DTNA: variants seen among roughly 807,000 people sequenced by gnomAD.
The protein encoded by DTNA is dystrophin-related protein 3.
In DTNA, 43 loss-of-function variants were observed where a neutral mutation model predicts 100.7. That is an observed-to-expected ratio of 0.43 (90% confidence interval 0.33 to 0.55). The LOEUF is 0.55. DTNA is among the 20% of genes least tolerant of loss of function. The pLI, the probability that DTNA is intolerant of heterozygous loss-of-function variation, is 0.04. For synonymous variants in DTNA, 349 were observed against 347.9 expected, an observed-to-expected ratio of 1.00 and a Z score of -0.04; for missense variants, 798 against 953.9, an observed-to-expected ratio of 0.84 and a Z score of 2.15.
chr18:34,741,421 T>G (rs1389070540), intron 1 of DTNA, among the ~76,000 whole-genome samples: 1 of 152,218 alleles, frequency 6.6e-6, no homozygotes, highest in African/African-American at 2.4e-5. Flanking sequence ...TATATTTACC[T>G]CTATTAAATT....
chr18:34,644,446 A>C (rs1489000958), intron 1 of DTNA, among the ~76,000 whole-genome samples: 3 of 152,174 alleles, frequency 2.0e-5, no homozygotes, highest in Non-Finnish European at 4.4e-5. Context: ...CACACTCATT[A>C]GTTTAAAAGG....
intron 17 of DTNA, among the ~76,000 whole-genome samples, chr18:34,873,687 GTGTA>G (rs2096787539): frequency 6.6e-6 from 1 of 152,228 alleles, no homozygotes; most frequent in Non-Finnish European, 1.5e-5. Context: ...ATCAGTGAGA[GTGTA>G]TGTGAAAACC....
intron 1 of DTNA, among the ~76,000 whole-genome samples, chr18:34,647,331 G>T (rs186379760): frequency 6.6e-6 from 1 of 152,112 alleles, no homozygotes; most frequent in Admixed American, 6.5e-5. Context: ...ACAGAACCAG[G>T]CCCATTTCAT....
intron 1 of DTNA, among the ~76,000 whole-genome samples, chr18:34,590,198 C>G (rs2049570251): frequency 1.3e-5 from 2 of 152,114 alleles, no homozygotes; most frequent in Non-Finnish European, 2.9e-5. Context: ...TTTGAATCTT[C>G]CATATTTGTC....
chr18:34,595,467 A>G (rs1479410717), intron 1 of DTNA, among the ~76,000 whole-genome samples: 1 of 152,206 alleles, frequency 6.6e-6, no homozygotes, highest in Non-Finnish European at 1.5e-5. Flanking sequence ...GTTGACAGAA[A>G]AAGAGACAAA....
intron 1 of DTNA, among the ~76,000 whole-genome samples, chr18:34,516,020 T>G (rs530304375): frequency 3.9e-5 from 6 of 152,278 alleles, no homozygotes; most frequent in Non-Finnish European, 8.8e-5. Context: ...AATCTTTTTC[T>G]ATAACCATGC....
At chr18:34,714,999 T>C (rs559569503) in intron 1 of DTNA, among the ~76,000 whole-genome samples, 48 of 146,308 alleles carry the variant, frequency 3.3e-4, no homozygotes, top group African/African-American at 1.0e-3. Context: ...TAGGTGGGAA[T>C]TGAACAATGA....
chr18:34,771,085 T>A (rs898630836), intron 3 of DTNA, among the ~76,000 whole-genome samples: 1 of 152,216 alleles, frequency 6.6e-6, no homozygotes, highest in Non-Finnish European at 1.5e-5. Context: ...TATTGGATAT[T>A]TAACTTCAGT....
chr18:34,776,531 T>G (rs9952911), intron 3 of DTNA, among the ~76,000 whole-genome samples: 3 of 152,088 alleles, frequency 2.0e-5, no homozygotes, highest in African/African-American at 7.2e-5. Flanking sequence ...TTAGTAGAGA[T>G]GGGGTTTCAC....
Position 34,848,968 on chromosome 18 carries a change from C to G in DTNA, c.1434+585C>G, listed in dbSNP as rs557301578. Reference sequence around the variant, plus strand: ...CCTGCACCTCTCACATCAGATGTTGCAGTTATCAGAGCCCTTCATGCTGAG... The same window carrying G: ...CCTGCACCTCTCACATCAGATGTTGGAGTTATCAGAGCCCTTCATGCTGAG... On this transcript the variant is annotated intron_variant, in intron 14 of 22. Transcript: ENST00000444659. 7.2e-5 allele frequency among the ~76,000 whole-genome samples: 11 copies of G among 152,294 alleles called. No homozygotes were observed. In the South Asian group the frequency reaches 2.3e-3, roughly 32 times the overall value.
chr18:34,541,443 C>G (rs2044235516), intron 1 of DTNA, among the ~76,000 whole-genome samples: 2 of 152,000 alleles, frequency 1.3e-5, no homozygotes, highest in Non-Finnish European at 2.9e-5. Context: ...GTGAGTTTTT[C>G]TCATGCTGTT....
At position 34,602,909 on chromosome 18, in the gene DTNA, A is replaced by G. The variant is rs114764267; in HGVS notation, c.-2+109395A>G. ...TGCTAGCTACTGAGGAGACTGAGGC[A>G]GGAGAATCGCCTGAACCGGTGAGGC... On this transcript the variant is annotated intron_variant, in intron 1 of 19. Transcript: ENST00000283365. Among the ~76,000 whole-genome samples, 1,024 of 152,146 alleles carry G rather than the reference A, an allele frequency of 6.7e-3. 10 individuals carry two copies. The highest frequency in any genetic ancestry group is 0.023 in the African/African-American group (972 of 41,514).
chr18:34,889,961 C>T lies in DTNA; in HGVS notation c.*2227C>T. ...CAGGTGGCCACTGGTGCCTCATACT[C>T]AGTATTGAAAACCACTACATCCCAG... On this transcript the variant is annotated 3_prime_UTR_variant, in exon 23 of 23. Transcript: ENST00000444659. 1 of 1,095,286 alleles carries T rather than the reference C, an allele frequency of 9.1e-7. No individual in the cohort carries two copies. The highest frequency in any genetic ancestry group is 1.1e-6 in the Non-Finnish European group (1 of 898,312). The allele number at this position is 1,095,286 out of a possible 1,614,324, so 67.8% of individuals were successfully genotyped here.
chr18:34,652,762 G>A (rs1469924984), intron 1 of DTNA, among the ~76,000 whole-genome samples: 2 of 152,012 alleles, frequency 1.3e-5, no homozygotes, highest in Non-Finnish European at 2.9e-5. Flanking sequence ...GCCACTTTTT[G>A]TACTGCATGA....
intron 1 of DTNA, among the ~76,000 whole-genome samples, chr18:34,501,653 A>G (rs1305118055): frequency 6.6e-6 from 1 of 152,046 alleles, no homozygotes; most frequent in African/African-American, 2.4e-5. Context: ...TAATATCTAT[A>G]TTAGTGTGCT....
At chr18:34,596,970 T>C (rs1321244634) in intron 1 of DTNA, among the ~76,000 whole-genome samples, 2 of 152,116 alleles carry the variant, frequency 1.3e-5, no homozygotes, top group Non-Finnish European at 2.9e-5. Flanking sequence ...GTCATCTACA[T>C]CACGTATTTC....
chr18:34,759,606 G>A (rs7242979), intron 2 of DTNA, among the ~76,000 whole-genome samples: 5,015 of 152,260 alleles, frequency 0.033, 260 homozygotes, highest in African/African-American at 0.11. Context: ...TGATGCCACC[G>A]GCCTGTCAGC....
intron 1 of DTNA, among the ~76,000 whole-genome samples, chr18:34,728,520 C>A (rs2087289022): frequency 1.3e-5 from 2 of 151,758 alleles, no homozygotes; most frequent in Non-Finnish European, 2.9e-5. Context: ...TATATATTTC[C>A]TTCCAGTACT....
chr18:34,775,261 C>T (rs1473009604), intron 3 of DTNA, among the ~76,000 whole-genome samples: 3 of 152,054 alleles, frequency 2.0e-5, no homozygotes, highest in African/African-American at 7.2e-5. Context: ...CCGAGGCGGG[C>T]GGATCACAAG....
Sources: allele counts gnomAD v4.1 joint callset (sites outside exome capture counted in the v4.1 genomes callset), GRCh38; gene constraint gnomAD v4.1.1; transcripts MANE v1.5; gene names NCBI Gene and HGNC (gene_info 2026-07-23, HGNC 2026-07-21).